MEIS2: variants seen among roughly 807,000 people sequenced by gnomAD.
MEIS2 encodes the protein homeobox protein Meis2.
MEIS2 carries 9 observed loss-of-function variants against 58.6 expected under a neutral mutation model. The ratio of observed to expected loss-of-function variants is 0.15; its 90% CI spans 0.09 to 0.27. MEIS2 has a LOEUF of 0.27. Ranked by LOEUF, MEIS2 falls within the 10% of genes least tolerant of loss-of-function variation. MEIS2 has a pLI of 1.00. For missense variants in MEIS2, 427 were observed against 635.0 expected (o/e 0.67, Z 3.52); for synonymous variants, 221 against 228.4 (o/e 0.97, Z 0.29).
At chr15:36,974,221 A>C (rs1301522875) in intron 8 of MEIS2, among the ~76,000 whole-genome samples, 1 of 152,218 alleles carries the variant, frequency 6.6e-6, no homozygotes, top group Non-Finnish European at 1.5e-5. Context: ...GTTTTAAAAC[A>C]CCAAACATCA....
intron 7 of MEIS2, among the ~76,000 whole-genome samples, chr15:37,051,275 C>G (rs753646459): frequency 1.3e-5 from 2 of 152,178 alleles, no homozygotes; most frequent in Non-Finnish European, 2.9e-5. Context: ...CACTGAAATA[C>G]TACTCAGCAA....
At chr15:36,905,674 C>T (rs1212459037) in intron 9 of MEIS2, among the ~76,000 whole-genome samples, 1 of 152,154 alleles carries the variant, frequency 6.6e-6, no homozygotes, top group Non-Finnish European at 1.5e-5. Context: ...CCATAGTAAT[C>T]TATCTATGTG....
intron 7 of MEIS2, among the ~76,000 whole-genome samples, chr15:37,064,145 A>G (rs1412736682): frequency 6.6e-6 from 1 of 152,164 alleles, no homozygotes. Context: ...ATAAAATAAC[A>G]TATTTTAAAA....
chr15:37,040,461 A>G (rs1398983596), intron 7 of MEIS2, among the ~76,000 whole-genome samples: 3 of 152,136 alleles, frequency 2.0e-5, no homozygotes, highest in African/African-American at 7.2e-5. Flanking sequence ...GTTCCTCTGG[A>G]ACAGCTGAGT....
chr15:36,912,052 A>AC (rs1555423198), intron 9 of MEIS2, among the ~76,000 whole-genome samples: 2 of 151,878 alleles, frequency 1.3e-5, no homozygotes, highest in African/African-American at 2.4e-5. Context: ...TATAAGCCCT[A>AC]GGGGGGATAA....
chr15:37,022,255 T>A (rs564957586), intron 8 of MEIS2, among the ~76,000 whole-genome samples: 2 of 152,294 alleles, frequency 1.3e-5, no homozygotes, highest in South Asian at 4.1e-4. Flanking sequence ...TATTTCCTTC[T>A]ACCCTGGACA....
chr15:37,003,538 A>C (rs932873698), intron 8 of MEIS2, among the ~76,000 whole-genome samples: 1 of 152,210 alleles, frequency 6.6e-6, no homozygotes, highest in Admixed American at 6.5e-5. Context: ...CACTTGCTGT[A>C]GCCATTAGTG....
intron 8 of MEIS2, among the ~76,000 whole-genome samples, chr15:37,013,942 T>C (rs1015046289): frequency 2.0e-5 from 3 of 152,172 alleles, no homozygotes; most frequent in African/African-American, 7.2e-5. Flanking sequence ...CACTTGAGCA[T>C]ACAAAATCTC....
intron 9 of MEIS2, chr15:36,897,657 C>T (rs902830795): frequency 2.6e-5 from 4 of 152,264 alleles, no homozygotes; most frequent in Admixed American, 6.5e-5. Context: ...TGTCCCTGTG[C>T]ACTTAACGAC....
intron 7 of MEIS2, among the ~76,000 whole-genome samples, chr15:37,078,554 C>T (rs1338574774): frequency 1.8e-5 from 2 of 108,578 alleles, no homozygotes; most frequent in Admixed American, 1.1e-4. Context: ...ATGAAAAATC[C>T]TTTGCATTTT....
intron 7 of MEIS2, among the ~76,000 whole-genome samples, chr15:37,060,024 A>G (rs146388273): frequency 3.9e-3 from 601 of 152,240 alleles, no homozygotes; most frequent in African/African-American, 6.4e-3. Flanking sequence ...TCCATGAGCT[A>G]TGATACGGTC....
intron 9 of MEIS2, among the ~76,000 whole-genome samples, chr15:36,933,765 G>A (rs1354147491): frequency 7.2e-5 from 11 of 152,062 alleles, no homozygotes; most frequent in Admixed American, 5.2e-4. Context: ...AAAAGCCCCT[G>A]AGAAAACCAC....
chr15:37,098,163 C>T lies in MEIS2; in HGVS notation c.49G>A (p.Val17Ile). The T allele has an allele frequency of 6.2e-7, 1 of 1,606,366 alleles. No individual in the cohort carries two copies. Among genetic ancestry groups the T allele is most frequent in the Non-Finnish European group, 8.5e-7 (1 of 1,175,584 alleles). The change falls in exon 2 of 12, where the codon GTA becomes ATA. Residue 17 changes from valine (V) to isoleucine (I), a missense_variant. Physicochemically the swap from Val to Ile is conservative, Grantham distance 29. Transcript: ENST00000561208. ...CCGTACATGGAAGCGGGAACCCCTA[C>T]TCCGTCCATCCCGCCGTAATGGGGC... ...ELPHYGGMDG[V>I]GVPASMYGDP...
At chr15:37,017,965 C>T (rs2061404185) in intron 8 of MEIS2, among the ~76,000 whole-genome samples, 1 of 152,098 alleles carries the variant, frequency 6.6e-6, no homozygotes, top group African/African-American at 2.4e-5. Context: ...GATTAAGAGC[C>T]AACCTCCCCC....
chr15:37,030,413 T>C (rs1429550277), intron 8 of MEIS2, among the ~76,000 whole-genome samples: 5 of 152,084 alleles, frequency 3.3e-5, no homozygotes, highest in African/African-American at 7.2e-5. Flanking sequence ...CTCCACTCAC[T>C]GCAACCTCTA....
chr15:36,936,288 G>T (rs1033300083), intron 9 of MEIS2, among the ~76,000 whole-genome samples: 3 of 10,498 alleles, frequency 2.9e-4, no homozygotes, highest in East Asian at 1.2e-3. Flanking sequence ...TCCGCCTCCC[G>T]GGGTTCACGC....
At chr15:36,900,894 G>A (rs910703356) in intron 9 of MEIS2, 11 of 152,154 alleles carry the variant, frequency 7.2e-5, no homozygotes, top group Middle Eastern at 3.4e-3. Context: ...TTTAAATGGC[G>A]GATAAATCCC....
intron 8 of MEIS2, among the ~76,000 whole-genome samples, chr15:36,995,661 C>A (rs1474945042): frequency 8.5e-6 from 1 of 118,282 alleles, no homozygotes. Flanking sequence ...GTGATCCTAT[C>A]CTGTCCCTAG....
intron 8 of MEIS2, among the ~76,000 whole-genome samples, chr15:37,024,578 T>C: frequency 6.6e-6 from 1 of 152,210 alleles, no homozygotes; most frequent in Non-Finnish European, 1.5e-5. Flanking sequence ...ATTCTGTGCT[T>C]TCGTCTAACT....
Sources: gnomAD v4.1 joint callset for allele counts (sites outside exome capture counted in the v4.1 genomes callset) on GRCh38, gnomAD v4.1.1 for gene constraint, MANE v1.5 for transcripts, NCBI Gene and HGNC (gene_info 2026-07-23, HGNC 2026-07-21) for gene names.